CYTH4: variants seen among roughly 807,000 people sequenced by gnomAD.
CYTH4 encodes the protein cytohesin 4.
In CYTH4, 22 loss-of-function variants were observed where a neutral mutation model predicts 57.5. The observed-to-expected ratio is 0.38, with a 90% CI of 0.27 to 0.55. CYTH4 has a LOEUF of 0.55. Ranked by LOEUF, CYTH4 falls within the 20% of genes least tolerant of loss-of-function variation. The pLI is 0.74. For missense variants in CYTH4, 420 were observed against 535.6 expected (o/e 0.78, Z 2.13); for synonymous variants, 186 against 206.5 (o/e 0.90, Z 0.85).
Position 37,303,254 on chromosome 22 carries a change from A to G in CYTH4, c.548A>G (p.Asp183Gly), listed in dbSNP as rs1248783105. 6.2e-7 allele frequency: 1 copy of G among 1,614,052 alleles called. No homozygotes were observed. Among genetic ancestry groups the G allele is most frequent in the Admixed American group, 1.7e-5 (1 of 60,004 alleles). The stretch of plus-strand genomic sequence containing the variant: ...ACTGTGACCGCTGTCCCCTCCGCAG[A>G]CACCTGCTACGTGTTGTCCTTCTCC... ...LCNPGVFQST[D>G]TCYVLSFSII... Residue 183 changes from aspartate to glycine, a missense_variant and splice_region_variant, in exon 8 of 13, where the codon GAC becomes GGC. Asp to Gly is a moderately conservative substitution (Grantham distance 94). Coordinates refer to ENST00000248901, the MANE Select transcript of CYTH4 (RefSeq NM_013385.5).
At chr22:37,303,926 G>A (rs755725771) in intron 8 of CYTH4, among the ~76,000 whole-genome samples, 1 of 152,162 alleles carries the variant, frequency 6.6e-6, no homozygotes, top group Non-Finnish European at 1.5e-5. Flanking sequence ...CAGGCTCTGC[G>A]CCCAGCACAG....
Position 37,311,876 on chromosome 22 carries a change from G to A in CYTH4, c.958-144G>A. ...GCCTGCCACAGAGAGAGTGCTCAGT[G>A]TGGGAGCAGCAGCTCCTGCCCCTTC... is the stretch of plus-strand genomic sequence containing the variant. On this transcript the variant is annotated intron_variant, in intron 11 of 12. Coordinates refer to ENST00000248901, the MANE Select transcript of CYTH4 (RefSeq NM_013385.5). This position sits in a 1 kb window ranked among gnomAD's most constrained non-coding sequence, Gnocchi z 4.4. 9.5e-7 allele frequency: 1 copy of A among 1,051,942 alleles called. No homozygotes were observed. The highest frequency in any genetic ancestry group is 1.6e-5 in the South Asian group (1 of 61,326). The allele number at this position is 1,051,942 out of a possible 1,614,324, so 65.2% of individuals were successfully genotyped here. A position where few individuals can be genotyped will look rare whatever the true frequency, so the allele number is the denominator to read the frequency against.
At chr22:37,297,508 C>CT (rs1929018847) in intron 4 of CYTH4, 56 bp from the exon 5 acceptor site, 1 of 1,508,692 alleles carries the variant, frequency 6.6e-7, no homozygotes, top group African/African-American at 1.4e-5. Context: ...TCCCTTCCCC[C>CT]TCCCAGGCCT....
At chr22:37,308,918 A>G (rs1449601870) in intron 8 of CYTH4, among the ~76,000 whole-genome samples, 1 of 150,498 alleles carries the variant, frequency 6.6e-6, no homozygotes, top group Non-Finnish European at 1.5e-5. Context: ...ATTTGTATAT[A>G]TGTGTGTTTG....
intron 1 of CYTH4, among the ~76,000 whole-genome samples, chr22:37,289,574 T>C (rs995720344): frequency 1.3e-5 from 2 of 152,200 alleles, no homozygotes; most frequent in African/African-American, 4.8e-5. Context: ...TAGACCCTGG[T>C]CCACCAGCAG....
intron 9 of CYTH4, 85 bp downstream of exon 9, chr22:37,309,408 C>G: frequency 8.3e-7 from 1 of 1,205,210 alleles, no homozygotes; most frequent in Middle Eastern, 1.9e-4. Flanking sequence ...CCTGGACGCA[C>G]AGGCCCCCAG....
chr22:37,283,020 C>G (rs1928420632), intron 1 of CYTH4, among the ~76,000 whole-genome samples: 1 of 152,240 alleles, frequency 6.6e-6, no homozygotes, highest in Non-Finnish European at 1.5e-5. Flanking sequence ...CCAGAAGGAA[C>G]AGCCAGTCCA....
Position 37,311,984 on chromosome 22 carries a change from C to T in CYTH4, c.958-36C>T, listed in dbSNP as rs1261927552. 1.2e-6 allele frequency: 2 copies of T among 1,600,792 alleles called. No individual in the cohort carries two copies. The highest frequency in any genetic ancestry group is 4.5e-5 in the East Asian group (2 of 44,610). ...CTCCTGGAGGGCCCACCCAGCCTCC[C>T]TCTCTTCCCACCCTTGCCTGGCCAC... is the stretch of plus-strand genomic sequence containing the variant. On this transcript the variant is annotated intron_variant, in intron 11 of 12. Transcript: ENST00000248901. The surrounding 1 kb of genome is among the most constrained non-coding windows in gnomAD (Gnocchi z 4.4).
At chr22:37,286,688 G>C (rs1016088008) in intron 1 of CYTH4, among the ~76,000 whole-genome samples, 1 of 152,138 alleles carries the variant, frequency 6.6e-6, no homozygotes, top group African/African-American at 2.4e-5. Flanking sequence ...TGGTGCAAAG[G>C]CTTTTGGAAG....
chr22:37,314,799 C>A lies in CYTH4; in HGVS notation c.*1288C>A. Reference sequence around the variant, plus strand: ...TTGGCAGGGGAACAGGAAATGTGGCCGCCTCTGCCCCACTGCCAGCCTGAG... The same window carrying A: ...TTGGCAGGGGAACAGGAAATGTGGCAGCCTCTGCCCCACTGCCAGCCTGAG... On this transcript the variant is annotated 3_prime_UTR_variant, in exon 13 of 13. Coordinates refer to ENST00000248901, the MANE Select transcript of CYTH4 (RefSeq NM_013385.5). 5.8e-6 allele frequency: 1 copy of A among 171,936 alleles called. No individual in the cohort carries two copies. Among genetic ancestry groups the A allele is most frequent in the Non-Finnish European group, 1.2e-5 (1 of 81,186 alleles). The allele number at this position is 171,936 out of a possible 1,614,324, so 10.7% of individuals were successfully genotyped here. A position where few individuals can be genotyped will look rare whatever the true frequency, so the allele number is the denominator to read the frequency against.
chr22:37,302,926 G>C (rs1440114197), intron 7 of CYTH4, among the ~76,000 whole-genome samples: 1 of 149,676 alleles, frequency 6.7e-6, no homozygotes, highest in Non-Finnish European at 1.5e-5. Flanking sequence ...GAAGGGCTCT[G>C]CGGGGAGGAG....
rs1044815503 is a variant in CYTH4, at chr22:37,313,847, C to A, written c.*336C>A. 11 of 330,794 alleles carry A rather than the reference C, an allele frequency of 3.3e-5. No homozygotes were observed. The highest frequency in any genetic ancestry group is 4.5e-5 in the Non-Finnish European group (8 of 178,322). The allele number at this position is 330,794 out of a possible 1,614,324, so 20.5% of individuals were successfully genotyped here. ...TCTTCTCTCTGGACTTCGGTGTCCT[C>A]GGCTCTGAAGGCGCTCTCTGCACTT... On this transcript the variant is annotated 3_prime_UTR_variant, in exon 13 of 13. Transcript: ENST00000248901.
At chr22:37,290,406 C>G (rs1221673994) in intron 1 of CYTH4, among the ~76,000 whole-genome samples, 1 of 152,206 alleles carries the variant, frequency 6.6e-6, no homozygotes, top group Non-Finnish European at 1.5e-5. Flanking sequence ...CAGGACTCTT[C>G]CCTTGGAACC....
At chr22:37,297,092 G>T (rs184273430) in intron 4 of CYTH4, among the ~76,000 whole-genome samples, 2 of 152,176 alleles carry the variant, frequency 1.3e-5, no homozygotes, top group African/African-American at 4.8e-5. Context: ...GCCTCCGAGC[G>T]GTAGGGCCCG....
chr22:37,310,423 C>T (rs930773298), intron 9 of CYTH4, among the ~76,000 whole-genome samples: 3 of 152,110 alleles, frequency 2.0e-5, no homozygotes, highest in East Asian at 1.9e-4. Context: ...GTTAAATGTG[C>T]GGCAAAATGG....
rs140520575 is a variant in CYTH4 at position 37,304,008 on chromosome 22, A to G, written c.696+606A>G. Among the ~76,000 whole-genome samples the G allele has an allele frequency of 2.0e-3, 310 of 152,324 alleles. 2 individuals carry two copies. Among genetic ancestry groups the G allele is most frequent in the African/African-American group, 7.2e-3 (300 of 41,564 alleles). ...AGGGTCTGGTGGGAGGACTGTACAC[A>G]TGTGAATCACAAGGCTGCATGATTC... On this transcript the variant is annotated intron_variant, in intron 8 of 12. Coordinates refer to ENST00000248901, the MANE Select transcript of CYTH4 (RefSeq NM_013385.5).
intron 8 of CYTH4, among the ~76,000 whole-genome samples, chr22:37,303,975 C>T (rs1286200583): frequency 6.6e-6 from 1 of 152,216 alleles, no homozygotes; most frequent in Non-Finnish European, 1.5e-5. Flanking sequence ...GCTGCCCTGA[C>T]CAAGTTCAGG....
intron 7 of CYTH4, among the ~76,000 whole-genome samples, 166 bp downstream of exon 7, chr22:37,301,185 C>G (rs1929165531): frequency 6.6e-6 from 1 of 152,202 alleles, no homozygotes; most frequent in Non-Finnish European, 1.5e-5. Flanking sequence ...GGGTGCTTGT[C>G]TGACAGAGCT....
intron 1 of CYTH4, among the ~76,000 whole-genome samples, chr22:37,287,636 A>T (rs1928603716): frequency 6.6e-6 from 1 of 151,930 alleles, no homozygotes; most frequent in Non-Finnish European, 1.5e-5. Context: ...ATCTCCACAC[A>T]GGTGGCCCCT....
Sources: allele counts gnomAD v4.1 joint callset (sites outside exome capture counted in the v4.1 genomes callset), GRCh38; gene constraint gnomAD v4.1.1; non-coding constraint Gnocchi (gnomAD v3.1); transcripts MANE v1.5; gene names NCBI Gene and HGNC (gene_info 2026-07-23, HGNC 2026-07-21).